The following PRKCB variants were observed in gnomAD, a reference collection of about 807,000 sequenced individuals.
PRKCB encodes the protein protein kinase C beta type.
A neutral mutation model predicts 81.5 loss-of-function variants in PRKCB; 13 were observed. The observed-to-expected ratio is 0.16, with a 90% CI of 0.10 to 0.25. The LOEUF (loss-of-function observed/expected upper bound fraction) is 0.25, where lower values mean the gene tolerates loss of function less well. Among genes scored for constraint, PRKCB ranks in the 10% least tolerant of loss-of-function variants. PRKCB has a pLI of 1.00. For synonymous variants in PRKCB, 335 were observed against 321.4 expected (o/e 1.04, Z -0.45); for missense variants, 509 against 875.7 (o/e 0.58, Z 5.29).
intron 2 of PRKCB, among the ~76,000 whole-genome samples, chr16:23,934,951 G>T (rs923816916): frequency 2.0e-5 from 3 of 152,176 alleles, no homozygotes; most frequent in South Asian, 4.1e-4. Flanking sequence ...TTCTCTGAAC[G>T]TGGCCTTTGC....
intron 15 of PRKCB, among the ~76,000 whole-genome samples, chr16:24,190,732 T>C (rs929147135): frequency 6.6e-5 from 10 of 152,170 alleles, no homozygotes; most frequent in Admixed American, 6.5e-4. Context: ...TTGGCCAGGA[T>C]GGTCTCAATC....
intron 2 of PRKCB, among the ~76,000 whole-genome samples, chr16:23,913,439 T>A (rs993733286): frequency 6.6e-6 from 1 of 152,082 alleles, no homozygotes; most frequent in Non-Finnish European, 1.5e-5. Context: ...ATCATATCAC[T>A]GGGGAGATAA....
intron 2 of PRKCB, among the ~76,000 whole-genome samples, chr16:23,950,131 A>G (rs1324340652): frequency 1.1e-4 from 1 of 8,916 alleles, no homozygotes; most frequent in African/African-American, 2.8e-4. Flanking sequence ...CTATGATTTG[A>G]ATTTTTTTTT....
At chr16:23,883,420 G>C (rs1963153423) in intron 2 of PRKCB, among the ~76,000 whole-genome samples, 1 of 152,142 alleles carries the variant, frequency 6.6e-6, no homozygotes. Context: ...GGCGTGGTGG[G>C]TGTGGGGCCA....
At chr16:23,970,982 G>T (rs940519814) in intron 2 of PRKCB, among the ~76,000 whole-genome samples, 6 of 152,170 alleles carry the variant, frequency 3.9e-5, no homozygotes, top group Non-Finnish European at 5.9e-5. Context: ...CAGATTTTCT[G>T]GGCCTCTGGC....
chr16:23,961,930 T>A (rs1251264883), intron 2 of PRKCB, among the ~76,000 whole-genome samples: 2 of 152,048 alleles, frequency 1.3e-5, no homozygotes, highest in East Asian at 3.9e-4. Flanking sequence ...AAGGTTAGAG[T>A]TGAGCCCTAC....
chr16:23,872,022 G>A (rs919654693), intron 2 of PRKCB, among the ~76,000 whole-genome samples: 21 of 152,248 alleles, frequency 1.4e-4, no homozygotes, highest in Admixed American at 1.3e-4. Context: ...TGGCACTCAG[G>A]GGGTGCTCAA....
chr16:23,859,868 G>GGA (rs1189034210), intron 2 of PRKCB, among the ~76,000 whole-genome samples: 2 of 129,876 alleles, frequency 1.5e-5, no homozygotes, highest in East Asian at 2.3e-4. Context: ...GACAGCATTA[G>GGA]GAGAGAGAGA....
rs1264269130 is a variant in PRKCB at position 24,133,295 on chromosome 16, C to T, written c.1065+9314C>T. Among the ~76,000 whole-genome samples the T allele has an allele frequency of 2.6e-5, 4 of 152,216 alleles. No individual in the cohort carries two copies. In the East Asian group the frequency reaches 7.7e-4, roughly 29 times the overall value. On this transcript the variant is annotated intron_variant, in intron 9 of 16. Coordinates refer to ENST00000643927, the MANE Select transcript of PRKCB (RefSeq NM_002738.7). The stretch of plus-strand genomic sequence containing the variant: ...CACATACTCCTAGTGATGGAGGGCT[C>T]TGGGTTTTCTGTTCATCCTCATCAC...
At position 24,217,745 on chromosome 16, in the gene PRKCB, G is replaced by A; in HGVS notation, c.*2929G>A. On this transcript the variant is annotated 3_prime_UTR_variant, in exon 17 of 17. Coordinates refer to ENST00000643927, the MANE Select transcript of PRKCB (RefSeq NM_002738.7). Reference sequence around the variant, plus strand: ...CCCACAGGCAGGGAAAGCGAAATAGGGTTGATGAGACCAGGGGAGACCTAA... The same window carrying A: ...CCCACAGGCAGGGAAAGCGAAATAGAGTTGATGAGACCAGGGGAGACCTAA... The A allele has an allele frequency of 1.0e-6, 1 of 985,400 alleles. No homozygotes were observed. Among genetic ancestry groups the A allele is most frequent in the African/African-American group, 1.7e-5 (1 of 57,318 alleles). 61.0% of individuals were successfully genotyped at this position (985,400 alleles called of 1,614,324 possible).
At chr16:24,071,718 C>T (rs1966110413) in intron 5 of PRKCB, among the ~76,000 whole-genome samples, 1 of 151,994 alleles carries the variant, frequency 6.6e-6, no homozygotes, top group African/African-American at 2.4e-5. Flanking sequence ...TCTGTCTCCT[C>T]CTATGGAGGC....
At chr16:23,883,904 A>G (rs370278370) in intron 2 of PRKCB, among the ~76,000 whole-genome samples, 3 of 152,360 alleles carry the variant, frequency 2.0e-5, no homozygotes, top group East Asian at 1.9e-4. Context: ...CAATCACATT[A>G]AAATGGTCAA....
intron 2 of PRKCB, chr16:23,893,055 C>T (rs1030950971): frequency 6.6e-6 from 1 of 151,862 alleles, no homozygotes; most frequent in Non-Finnish European, 1.5e-5. Flanking sequence ...CAGGGATGGT[C>T]TGATGGAGTG....
At chr16:24,180,708 T>C in intron 12 of PRKCB, 82 bp from the exon 13 acceptor site, 1 of 1,518,080 alleles carries the variant, frequency 6.6e-7, no homozygotes, top group Non-Finnish European at 9.0e-7. Context: ...TAACACAGTG[T>C]TTTATGCATA....
chr16:23,839,524 C>A (rs1291655183), intron 2 of PRKCB, among the ~76,000 whole-genome samples: 1 of 152,200 alleles, frequency 6.6e-6, no homozygotes, highest in Non-Finnish European at 1.5e-5. Context: ...ACCCTCCCAC[C>A]TCAGCCCCCA....
chr16:23,927,751 C>G (rs1963916165), intron 2 of PRKCB, among the ~76,000 whole-genome samples: 1 of 151,988 alleles, frequency 6.6e-6, no homozygotes, highest in African/African-American at 2.4e-5. Context: ...GGATGGCTCC[C>G]TGGTTTCTGG....
intron 16 of PRKCB, among the ~76,000 whole-genome samples, chr16:24,213,897 A>G (rs1339110560): frequency 3.3e-5 from 5 of 152,210 alleles, no homozygotes. Flanking sequence ...GAGAAATGGC[A>G]ATGGTTTTCT....
chr16:23,934,991 A>G (rs931641342), intron 2 of PRKCB, among the ~76,000 whole-genome samples: 5 of 152,146 alleles, frequency 3.3e-5, no homozygotes, highest in Admixed American at 3.3e-4. Flanking sequence ...TATGGTGATG[A>G]CTGAGTGAGA....
intron 16 of PRKCB, among the ~76,000 whole-genome samples, chr16:24,195,039 A>G (rs1967858237): frequency 6.6e-6 from 1 of 152,136 alleles, no homozygotes; most frequent in Admixed American, 6.6e-5. Flanking sequence ...CCCCGTCTCT[A>G]CAAAAAATAC....
Sources: allele counts gnomAD v4.1 joint callset (sites outside exome capture counted in the v4.1 genomes callset), GRCh38; gene constraint gnomAD v4.1.1; transcripts MANE v1.5; gene names NCBI Gene and HGNC (gene_info 2026-07-23, HGNC 2026-07-21).